The following SLC9A3 variants were observed in gnomAD, a reference collection of about 807,000 sequenced individuals.
The protein encoded by SLC9A3 is sodium/hydrogen exchanger 3.
Under a neutral mutation model 86.8 loss-of-function variants are expected in SLC9A3, and 37 were observed. The ratio of observed to expected loss-of-function variants is 0.43; its 90% CI spans 0.33 to 0.56. The LOEUF is 0.56. SLC9A3 is among the 20% of genes least tolerant of loss of function. The pLI, the probability that SLC9A3 is intolerant of heterozygous loss-of-function variation, is 0.06. For synonymous variants in SLC9A3, 581 were observed against 528.3 expected, an observed-to-expected ratio of 1.10 and a Z score of -1.37; for missense variants, 1,011 against 1,171.9, an observed-to-expected ratio of 0.86 and a Z score of 2.00.
intron 1 of SLC9A3, among the ~76,000 whole-genome samples, chr5:504,672 G>A (rs887417199): frequency 1.3e-5 from 2 of 152,196 alleles, no homozygotes; most frequent in African/African-American, 2.4e-5. Flanking sequence ...GCCTCCCTCT[G>A]GGGCCATGGG....
At chr5:500,047 C>T (rs547263466) in intron 1 of SLC9A3, among the ~76,000 whole-genome samples, 4 of 152,374 alleles carry the variant, frequency 2.6e-5, no homozygotes, top group East Asian at 3.9e-4. Context: ...CAACAGGCAG[C>T]GACATCTTCA....
chr5:518,841 C>G (rs1014248512), intron 1 of SLC9A3, among the ~76,000 whole-genome samples: 2 of 152,082 alleles, frequency 1.3e-5, no homozygotes, highest in African/African-American at 4.8e-5. Flanking sequence ...AGGGAGTGGG[C>G]TGGGGGGGCT....
intron 1 of SLC9A3, among the ~76,000 whole-genome samples, chr5:498,658 G>A (rs78658073): frequency 0.021 from 3,218 of 152,126 alleles, 55 homozygotes; most frequent in Non-Finnish European, 0.033. Context: ...CACCTCGGTC[G>A]TCCACAGTGC....
chr5:484,787 G>A (rs1476049235), intron 4 of SLC9A3, 90 bp from the exon 5 acceptor site: 5 of 1,304,714 alleles, frequency 3.8e-6, no homozygotes, highest in South Asian at 1.3e-5. Flanking sequence ...AGTGCCGGGA[G>A]CCCGGGAAAC....
chr5:506,996 G>A (rs186240981), intron 1 of SLC9A3, among the ~76,000 whole-genome samples: 19 of 149,848 alleles, frequency 1.3e-4, no homozygotes, highest in Middle Eastern at 6.8e-3. Context: ...GCTTGAACCC[G>A]GGAGGTGGAG....
chr5:472,901 G>A lies in SLC9A3; in HGVS notation c.*478C>T, dbSNP rs1224344227. 3.8e-6 allele frequency: 2 copies of A among 524,524 alleles called. No homozygotes were observed. Among genetic ancestry groups the A allele is most frequent in the East Asian group, 8.0e-5 (2 of 25,068 alleles). 32.5% of individuals were successfully genotyped at this position (524,524 alleles called of 1,614,324 possible). ...CGTTTGGGGCGAGCCTCGGTTTCCC[G>A]GCAGCGGTGGGAAAGGGCGCGAGCG... On this transcript the variant is annotated 3_prime_UTR_variant, in exon 17 of 17. Coordinates refer to ENST00000264938, the MANE Select transcript of SLC9A3 (RefSeq NM_004174.4).
At chr5:517,693 C>G (rs1331488124) in intron 1 of SLC9A3, among the ~76,000 whole-genome samples, 2 of 149,032 alleles carry the variant, frequency 1.3e-5, no homozygotes, top group African/African-American at 4.9e-5. Context: ...CATCCATCCA[C>G]CCATCCATCC....
intron 2 of SLC9A3, among the ~76,000 whole-genome samples, chr5:489,116 G>C (rs1739606421): frequency 6.6e-6 from 1 of 152,202 alleles, no homozygotes; most frequent in Admixed American, 6.5e-5. Flanking sequence ...TTCAACCCAG[G>C]GTTCAGGCCT....
intron 3 of SLC9A3, among the ~76,000 whole-genome samples, chr5:486,183 C>T (rs1024403698): frequency 8.7e-6 from 1 of 114,458 alleles, no homozygotes; most frequent in Non-Finnish European, 2.1e-5. Flanking sequence ...AAGCTGACCC[C>T]ACCCTTCCCT....
chr5:477,194 A>T, intron 11 of SLC9A3, 138 bp downstream of exon 11: 3 of 610,218 alleles, frequency 4.9e-6, no homozygotes, highest in Non-Finnish European at 8.8e-6. Context: ...GTGGAAGGAG[A>T]CACCCACCCC....
chr5:518,848 G>C (rs778039072), intron 1 of SLC9A3, among the ~76,000 whole-genome samples: 26 of 152,146 alleles, frequency 1.7e-4, no homozygotes, highest in Non-Finnish European at 3.2e-4. Context: ...GGGCTGGGGG[G>C]GCTGGCGGCC....
In SLC9A3 at chr5:494,769, G is replaced by A. The variant is rs1325400149; in HGVS notation, c.212-2698C>T. 2.6e-5 allele frequency among the ~76,000 whole-genome samples: 4 copies of A among 152,176 alleles called. No individual in the cohort carries two copies. In the South Asian group the frequency reaches 6.2e-4, roughly 24 times the overall value. On this transcript the variant is annotated intron_variant, in intron 1 of 16. Transcript: ENST00000264938. ...GGCGACGTCGTCACCTCTGCTGCTG[G>A]CGACGAGTGCCTAGCAAAGCCGGGC...
Position 524,149 on chromosome 5 carries a change from G to T in SLC9A3, c.174C>A (p.Ile58=). ...EWAHVQDPYV[I]ALWILVASLA... ...AGCTGGCCACGAGGATCCAGAGCGC[G>T]ATGACGTAGGGATCCTGCACGTGGG... Residue 58 remains isoleucine, a synonymous_variant, in exon 1 of 17, where the codon ATC becomes ATA. Coordinates refer to ENST00000264938, the MANE Select transcript of SLC9A3 (RefSeq NM_004174.4). 1 of 1,542,184 alleles carries T rather than the reference G, an allele frequency of 6.5e-7. No individual in the cohort carries two copies. The highest frequency in any genetic ancestry group is 8.7e-7 in the Non-Finnish European group (1 of 1,146,696).
Position 473,197 on chromosome 5 carries a change from C to T in SLC9A3, c.*182G>A. 6.4e-6 allele frequency: 4 copies of T among 629,004 alleles called. No individual in the cohort carries two copies. Among genetic ancestry groups the T allele is most frequent in the Non-Finnish European group, 9.0e-6 (4 of 445,226 alleles). The allele number at this position is 629,004 out of a possible 1,614,324, so 39.0% of individuals were successfully genotyped here. A position where few individuals can be genotyped will look rare whatever the true frequency, so the allele number is the denominator to read the frequency against. Reference sequence around the variant, plus strand: ...CCCGGCTCGCCCTCGGGCGGCTCTGCGGGCGCAGGCGCGGCACTCTCGGAG... The same window carrying T: ...CCCGGCTCGCCCTCGGGCGGCTCTGTGGGCGCAGGCGCGGCACTCTCGGAG... On this transcript the variant is annotated 3_prime_UTR_variant, in exon 17 of 17. Coordinates refer to ENST00000264938, the MANE Select transcript of SLC9A3 (RefSeq NM_004174.4).
Position 497,235 on chromosome 5 carries a change from C to A in SLC9A3, c.212-5164G>T, listed in dbSNP as rs1041521366. 6.6e-6 allele frequency among the ~76,000 whole-genome samples: 1 copy of A among 152,238 alleles called. No individual in the cohort carries two copies. Among genetic ancestry groups the A allele is most frequent in the Admixed American group, 6.5e-5 (1 of 15,292 alleles). ...GTGCTCCCGGTGCCCAGGCCGCTGC[C>A]CCGCAGGTGCCCCTCAAGTCACACC... On this transcript the variant is annotated intron_variant, in intron 1 of 16. Transcript: ENST00000264938. The surrounding 1 kb of genome is among the most constrained non-coding windows in gnomAD (Gnocchi z 5.4).
At chr5:478,144 T>C (rs1027954666) in intron 10 of SLC9A3, 1 of 152,088 alleles carries the variant, frequency 6.6e-6, no homozygotes, top group Admixed American at 6.5e-5. Flanking sequence ...GCCCCCGGGG[T>C]CAGGTGGGTG....
chr5:474,129 G>A (rs906620684), intron 16 of SLC9A3, among the ~76,000 whole-genome samples: 2 of 150,940 alleles, frequency 1.3e-5, no homozygotes, highest in African/African-American at 4.9e-5. Context: ...GGAGGAGAGA[G>A]AGCGAGCGCG....
chr5:484,770 C>A, intron 4 of SLC9A3, 73 bp from the exon 5 acceptor site: 1 of 1,485,256 alleles, frequency 6.7e-7, no homozygotes, highest in Non-Finnish European at 9.3e-7. Context: ...CCTGGTGACC[C>A]CGCGGAAGTG....
chr5:498,142 A>C (rs1308370484), intron 1 of SLC9A3, among the ~76,000 whole-genome samples: 1 of 151,710 alleles, frequency 6.6e-6, no homozygotes, highest in Non-Finnish European at 1.5e-5. Flanking sequence ...CTCGGCCGCC[A>C]CTTCCGCCCC....
Sources: gnomAD v4.1 joint callset for allele counts (sites outside exome capture counted in the v4.1 genomes callset) on GRCh38, gnomAD v4.1.1 for gene constraint, Gnocchi (gnomAD v3.1) non-coding constraint, MANE v1.5 for transcripts, NCBI Gene and HGNC (gene_info 2026-07-23, HGNC 2026-07-21) for gene names.